SPTSSB: variants seen among roughly 807,000 people sequenced by gnomAD.
The protein encoded by SPTSSB is androgen down regulated in mouse prostate.
SPTSSB carries 6 observed loss-of-function variants against 7.7 expected under a neutral mutation model. That is an observed-to-expected ratio of 0.78 (90% confidence interval 0.43 to 1.54). SPTSSB has a LOEUF of 1.54. Ranked by LOEUF, SPTSSB falls within the 40% of genes most tolerant of loss-of-function variation. The pLI is 0.01. For synonymous variants in SPTSSB, 28 were observed against 29.7 expected (o/e 0.94, Z 0.19); for missense variants, 91 against 93.0 (o/e 0.98, Z 0.09).
intron 2 of SPTSSB, among the ~76,000 whole-genome samples, chr3:161,356,354 C>T (rs1288885357): frequency 6.6e-6 from 1 of 152,170 alleles, no homozygotes; most frequent in Admixed American, 6.5e-5. Flanking sequence ...TTTCTCTTCC[C>T]TACCTATTGT....
Position 161,346,374 on chromosome 3 carries a change from G to GGAC in SPTSSB, c.-32-20_-32-19insGTC. The GGAC allele has an allele frequency of 7.9e-7, 1 of 1,260,088 alleles. No individual in the cohort carries two copies. The highest frequency in any genetic ancestry group is 1.2e-5 in the South Asian group (1 of 82,746). The allele number at this position is 1,260,088 out of a possible 1,614,324, so 78.1% of individuals were successfully genotyped here. A position where few individuals can be genotyped will look rare whatever the true frequency, so the allele number is the denominator to read the frequency against. ...GTTTGTCCTGTTAAAGAATGTAACA[G>GGAC]ATTAGAGGATGAGGAACCAAACATA... On this transcript the variant is annotated intron_variant, in intron 2 of 2. Transcript: ENST00000620149.
At chr3:161,355,270 CT>C (rs1220058158) in intron 2 of SPTSSB, among the ~76,000 whole-genome samples, 1 of 152,184 alleles carries the variant, frequency 6.6e-6, no homozygotes, top group Non-Finnish European at 1.5e-5. Flanking sequence ...TTCTGAGTGG[CT>C]TTTTCCTTTT....
chr3:161,346,438 T>C, intron 2 of SPTSSB, 83 bp from the exon 3 acceptor site: 3 of 653,774 alleles, frequency 4.6e-6, no homozygotes, highest in Non-Finnish European at 8.0e-6. Context: ...CATGTTAAAA[T>C]CTTTCAAAGA....
intron 1 of SPTSSB, among the ~76,000 whole-genome samples, chr3:161,369,314 C>CTTTCTTTCTTTCTTTCTCTT (rs1278233391): frequency 1.5e-5 from 1 of 65,718 alleles, no homozygotes; most frequent in African/African-American, 7.7e-5. Flanking sequence ...TTCTTTCTTT[C>CTTTCTTTCTTTCTTTCTCTT]TCTTTCTTTC....
chr3:161,361,531 G>A (rs908028391), intron 1 of SPTSSB, among the ~76,000 whole-genome samples: 1 of 152,252 alleles, frequency 6.6e-6, no homozygotes, highest in East Asian at 1.9e-4. Flanking sequence ...GCTATTGCAT[G>A]GTATTTGGAT....
At position 161,348,412 on chromosome 3, in the gene SPTSSB, G is replaced by A. The variant is rs531633802; in HGVS notation, c.-32-2057C>T. 7.9e-5 allele frequency among the ~76,000 whole-genome samples: 12 copies of A among 152,308 alleles called. No homozygotes were observed. In the South Asian group the frequency reaches 2.5e-3, roughly 32 times the overall value. ...TAGCCAACACCTTAATGATGGCCTT[G>A]AGAAAGACCCTGAGCCAGAGGCATC... is the stretch of plus-strand genomic sequence containing the variant. On this transcript the variant is annotated intron_variant, in intron 2 of 2. Transcript: ENST00000620149.
At chr3:161,346,500 A>C in intron 2 of SPTSSB, 145 bp from the exon 3 acceptor site, 1 of 456,504 alleles carries the variant, frequency 2.2e-6, no homozygotes, top group Non-Finnish European at 3.9e-6. Context: ...TCTGTAAAAT[A>C]ATACATACTA....
intron 2 of SPTSSB, among the ~76,000 whole-genome samples, chr3:161,357,397 T>C (rs1187650536): frequency 6.6e-6 from 1 of 152,212 alleles, no homozygotes; most frequent in Non-Finnish European, 1.5e-5. Flanking sequence ...CTCCTTCACC[T>C]GCTCCCAGCC....
chr3:161,357,103 G>T (rs1714802756), intron 2 of SPTSSB, among the ~76,000 whole-genome samples: 1 of 152,220 alleles, frequency 6.6e-6, no homozygotes, highest in Non-Finnish European at 1.5e-5. Flanking sequence ...TGAATCAAGG[G>T]ACATTTCCCT....
chr3:161,361,863 G>A (rs1011312023), intron 1 of SPTSSB, among the ~76,000 whole-genome samples: 4 of 152,122 alleles, frequency 2.6e-5, no homozygotes, highest in Admixed American at 2.6e-4. Flanking sequence ...AAGGAAGTTA[G>A]CAGATCACAG....
rs75052295 is a variant in SPTSSB, at chr3:161,359,597, G to A, written c.-33+205C>T. On this transcript the variant is annotated intron_variant, in intron 2 of 2. Coordinates refer to ENST00000620149, the MANE Select transcript of SPTSSB (RefSeq NM_001040100.2). ...CGTTTCAAAGGAACTTGGAATATCCGTAAGTTGAGACCTCCAAATTACTAG... is the reference window on the plus strand; with the variant it reads ...CGTTTCAAAGGAACTTGGAATATCCATAAGTTGAGACCTCCAAATTACTAG... 220 of 471,446 alleles carry A rather than the reference G, an allele frequency of 4.7e-4. 3 individuals carry two copies. In the East Asian group the frequency reaches 0.027, roughly 57 times the overall value. The allele number at this position is 471,446 out of a possible 1,614,324, so 29.2% of individuals were successfully genotyped here.
intron 2 of SPTSSB, among the ~76,000 whole-genome samples, chr3:161,350,731 C>T (rs907198745): frequency 1.3e-5 from 2 of 152,170 alleles, no homozygotes; most frequent in Non-Finnish European, 2.9e-5. Context: ...AGAAATACAG[C>T]GATTTCCTTC....
intron 2 of SPTSSB, chr3:161,359,351 T>C (rs980371027): frequency 2.0e-5 from 3 of 152,142 alleles, no homozygotes; most frequent in Non-Finnish European, 4.4e-5. Context: ...GCTGCTCCAT[T>C]TAAATAAAAG....
intron 2 of SPTSSB, among the ~76,000 whole-genome samples, chr3:161,353,138 T>G (rs528030133): frequency 3.3e-5 from 5 of 152,316 alleles, no homozygotes; most frequent in Non-Finnish European, 7.3e-5. Flanking sequence ...TGTGTAAAAC[T>G]GAGATAATTG....
chr3:161,351,481 T>C (rs9855572), intron 2 of SPTSSB, among the ~76,000 whole-genome samples: 7,752 of 152,222 alleles, frequency 0.051, 520 homozygotes, highest in African/African-American at 0.14. Flanking sequence ...ACTATGTACA[T>C]AGATGAGTAA....
chr3:161,369,937 AG>A (rs1229887352), intron 1 of SPTSSB, among the ~76,000 whole-genome samples: 2 of 152,236 alleles, frequency 1.3e-5, no homozygotes, highest in Non-Finnish European at 2.9e-5. Flanking sequence ...GTATGTCCTT[AG>A]GACAATTACC....
chr3:161,360,398 C>T (rs1029913835), intron 1 of SPTSSB, among the ~76,000 whole-genome samples: 3 of 152,088 alleles, frequency 2.0e-5, no homozygotes, highest in South Asian at 2.1e-4. Context: ...AGCAATAAGG[C>T]TTATATCTTA....
At chr3:161,368,517 C>T (rs1171964857) in intron 1 of SPTSSB, among the ~76,000 whole-genome samples, 1 of 151,304 alleles carries the variant, frequency 6.6e-6, no homozygotes, top group East Asian at 1.9e-4. Context: ...AGCTCCGCCT[C>T]CCGGGTTCAC....
chr3:161,368,712 C>T (rs1177404268), intron 1 of SPTSSB, among the ~76,000 whole-genome samples: 2 of 152,192 alleles, frequency 1.3e-5, no homozygotes, highest in Admixed American at 1.3e-4. Flanking sequence ...AGGCGTGAGC[C>T]ACCGCGCCCG....
Sources: allele counts gnomAD v4.1 joint callset (sites outside exome capture counted in the v4.1 genomes callset), GRCh38; gene constraint gnomAD v4.1.1; transcripts MANE v1.5; gene names NCBI Gene and HGNC (gene_info 2026-07-23, HGNC 2026-07-21).